Variants in CASR observed in about 807,000 individuals in gnomAD.
CASR encodes the protein extracellular calcium-sensing receptor.
A neutral mutation model predicts 69.1 loss-of-function variants in CASR; 23 were observed. That is an observed-to-expected ratio of 0.33 (90% CI 0.24 to 0.47). The LOEUF is 0.47. CASR is among the 20% of genes least tolerant of loss of function. CASR has a pLI of 1.00. For synonymous variants in CASR, 541 were observed against 544.7 expected (o/e 0.99, Z 0.10); for missense variants, 924 against 1,356.1 (o/e 0.68, Z 5.00).
intron 1 of CASR, among the ~76,000 whole-genome samples, chr3:122,233,903 ACTCTATTC>A (rs1559947198): frequency 6.6e-6 from 1 of 151,970 alleles, no homozygotes; most frequent in Non-Finnish European, 1.5e-5. Context: ...CACACAACCT[ACTCTATTC>A]ATGTGAGCCA....
chr3:122,222,306 G>A (rs1285282451), intron 1 of CASR, among the ~76,000 whole-genome samples: 5 of 152,046 alleles, frequency 3.3e-5, no homozygotes, highest in Admixed American at 1.3e-4. Flanking sequence ...TGTATGCATA[G>A]AGTGCCTAGC....
In CASR at chr3:122,286,366, TA is replaced by T. The variant is rs2107653069; in HGVS notation, c.*1179del. On this transcript the variant is annotated 3_prime_UTR_variant, in exon 7 of 7. Coordinates refer to ENST00000639785, the MANE Select transcript of CASR (RefSeq NM_000388.4). ...CTCTAAGCCACAGCTTCTTCATCTT[TA>T]AAATAAGGATAATAATCATTCTTTC... is the stretch of plus-strand genomic sequence containing the variant. 1 of 152,282 alleles carries T rather than the reference TA, an allele frequency of 6.6e-6. No homozygotes were observed. Among genetic ancestry groups the T allele is most frequent in the African/African-American group, 2.4e-5 (1 of 41,536 alleles). The allele number at this position is 152,282 out of a possible 1,614,324, so 9.4% of individuals were successfully genotyped here. A position where few individuals can be genotyped will look rare whatever the true frequency, so the allele number is the denominator to read the frequency against.
At chr3:122,234,323 A>G (rs2074307804) in intron 1 of CASR, among the ~76,000 whole-genome samples, 1 of 152,196 alleles carries the variant, frequency 6.6e-6, no homozygotes, top group African/African-American at 2.4e-5. Context: ...TTTCAGCAAA[A>G]CTTTATTTAT....
intron 4 of CASR, among the ~76,000 whole-genome samples, chr3:122,264,965 A>G (rs2074673777): frequency 6.6e-6 from 1 of 152,170 alleles, no homozygotes. Flanking sequence ...CTTCCCCTAT[A>G]AGCCAACCTG....
At chr3:122,230,307 C>A (rs981548514) in intron 1 of CASR, among the ~76,000 whole-genome samples, 1 of 152,240 alleles carries the variant, frequency 6.6e-6, no homozygotes, top group African/African-American at 2.4e-5. Context: ...CCAGGGAAAA[C>A]GCTCCTTTAG....
At chr3:122,224,823 T>C (rs1389237194) in intron 1 of CASR, among the ~76,000 whole-genome samples, 1 of 152,060 alleles carries the variant, frequency 6.6e-6, no homozygotes, top group African/African-American at 2.4e-5. Context: ...AAAACATCAT[T>C]GTGCTGGTAC....
chr3:122,230,958 G>A (rs1470119739), intron 1 of CASR, among the ~76,000 whole-genome samples: 1 of 152,208 alleles, frequency 6.6e-6, no homozygotes, highest in African/African-American at 2.4e-5. Flanking sequence ...TAAAGAATCA[G>A]GGATTTGTGC....
chr3:122,203,472 G>T (rs1030386239), intron 1 of CASR, among the ~76,000 whole-genome samples: 2 of 152,136 alleles, frequency 1.3e-5, no homozygotes, highest in African/African-American at 4.8e-5. Context: ...TGCCTGTATT[G>T]AATTCTTGTG....
At chr3:122,225,106 T>C (rs953383003) in intron 1 of CASR, among the ~76,000 whole-genome samples, 3 of 152,132 alleles carry the variant, frequency 2.0e-5, no homozygotes, top group Non-Finnish European at 4.4e-5. Flanking sequence ...CCTAAAACTA[T>C]AAAAATGTTA....
intron 4 of CASR, among the ~76,000 whole-genome samples, chr3:122,264,544 A>G (rs973328362): frequency 1.3e-5 from 2 of 152,214 alleles, no homozygotes; most frequent in African/African-American, 4.8e-5. Flanking sequence ...AACATTCAAA[A>G]TGTCCACTAC....
intron 1 of CASR, among the ~76,000 whole-genome samples, chr3:122,251,389 T>C (rs2074481769): frequency 1.3e-5 from 2 of 152,336 alleles, no homozygotes; most frequent in Middle Eastern, 3.4e-3. Context: ...TGCAAATTGC[T>C]TACTGCACAA....
chr3:122,246,322 G>A (rs1576845968), intron 1 of CASR: 1 of 124,846 alleles, frequency 8.0e-6, no homozygotes, highest in African/African-American at 3.0e-5. Context: ...TATCCCTGTT[G>A]CTGTTAATAA....
intron 1 of CASR, among the ~76,000 whole-genome samples, chr3:122,195,260 A>G (rs1053676060): frequency 6.6e-6 from 1 of 152,124 alleles, no homozygotes; most frequent in Non-Finnish European, 1.5e-5. Context: ...GAGATTTCCT[A>G]TGGTGCTTTC....
At position 122,258,164 on chromosome 3, in the gene CASR, A is replaced by G. The variant is rs75186370; in HGVS notation, c.492+777A>G. The stretch of plus-strand genomic sequence containing the variant: ...TTAATATTTATAAATCTATGACATC[A>G]TTTTATAATAGTGAAAAAATGGAAA... On this transcript the variant is annotated intron_variant, in intron 3 of 6. Transcript: ENST00000639785. 8.5e-3 allele frequency among the ~76,000 whole-genome samples: 1,293 copies of G among 152,324 alleles called. 16 individuals are homozygous for G. Among genetic ancestry groups the G allele is most frequent in the African/African-American group, 0.029 (1,209 of 41,550 alleles).
At chr3:122,205,507 TG>T (rs2073998095) in intron 1 of CASR, among the ~76,000 whole-genome samples, 1 of 152,128 alleles carries the variant, frequency 6.6e-6, no homozygotes, top group South Asian at 2.1e-4. Context: ...AGTCAAGTAG[TG>T]TGATGCCTCT....
intron 4 of CASR, among the ~76,000 whole-genome samples, chr3:122,274,865 G>A (rs1458328530): frequency 6.6e-6 from 1 of 152,186 alleles, no homozygotes; most frequent in South Asian, 2.1e-4. Flanking sequence ...GTGACACAAG[G>A]CTGGCCTCAC....
At chr3:122,248,309 C>T (rs1455292814) in intron 1 of CASR, among the ~76,000 whole-genome samples, 1 of 152,200 alleles carries the variant, frequency 6.6e-6, no homozygotes, top group Non-Finnish European at 1.5e-5. Context: ...GTGGATGTCT[C>T]TTCAGCAAGA....
At chr3:122,224,069 C>T (rs2074199423) in intron 1 of CASR, among the ~76,000 whole-genome samples, 1 of 152,180 alleles carries the variant, frequency 6.6e-6, no homozygotes, top group Non-Finnish European at 1.5e-5. Context: ...CTGTGACAAA[C>T]CCACAGCCAA....
chr3:122,236,062 C>T (rs1236880483), intron 1 of CASR, among the ~76,000 whole-genome samples: 2 of 152,212 alleles, frequency 1.3e-5, no homozygotes, highest in Non-Finnish European at 2.9e-5. Flanking sequence ...ACTCACTTCC[C>T]TGCACCCGGC....
Sources: allele counts gnomAD v4.1 joint callset (sites outside exome capture counted in the v4.1 genomes callset), GRCh38; gene constraint gnomAD v4.1.1; transcripts MANE v1.5; gene names NCBI Gene and HGNC (gene_info 2026-07-23, HGNC 2026-07-21).